ZFHX3: variants seen among roughly 807,000 people sequenced by gnomAD.
ZFHX3 encodes zinc finger homeobox 3.
ZFHX3 carries 42 observed loss-of-function variants against 279.1 expected under a neutral mutation model. The observed-to-expected ratio is 0.15, with a 90% CI of 0.12 to 0.19. ZFHX3 has a LOEUF of 0.19. Among genes scored for constraint, ZFHX3 ranks in the 10% least tolerant of loss-of-function variants. ZFHX3 has a pLI of 1.00. For synonymous variants in ZFHX3, 2,293 were observed against 1,957.8 expected, an observed-to-expected ratio of 1.17 and a Z score of -4.52; for missense variants, 4,981 against 4,754.0, an observed-to-expected ratio of 1.05 and a Z score of -1.40.
intron 1 of ZFHX3, among the ~76,000 whole-genome samples, chr16:73,057,066 G>A (rs998639962): frequency 7.2e-5 from 11 of 152,070 alleles, no homozygotes; most frequent in Non-Finnish European, 1.2e-4. Flanking sequence ...AGAACTGGAG[G>A]CCAGAAAAAG....
rs559052845 is a variant in ZFHX3, at chr16:72,954,780, C to T, written c.2719+2647G>A. 2.0e-5 allele frequency among the ~76,000 whole-genome samples: 3 copies of T among 152,266 alleles called. No homozygotes were observed. In the South Asian group the frequency reaches 6.2e-4, roughly 32 times the overall value. On this transcript the variant is annotated intron_variant, in intron 2 of 9. Transcript: ENST00000268489. Reference sequence around the variant, plus strand: ...ATCCGACTGTACTAGGCGAAGGAGCCCCAAGCCTTTCCTCAAAGGCTTCTG... The same window carrying T: ...ATCCGACTGTACTAGGCGAAGGAGCTCCAAGCCTTTCCTCAAAGGCTTCTG...
intron 2 of ZFHX3, among the ~76,000 whole-genome samples, chr16:73,631,593 T>A (rs538674495): frequency 9.8e-5 from 15 of 152,300 alleles, no homozygotes; most frequent in Admixed American, 2.6e-4. Context: ...TATTTTATAT[T>A]TTTCTGTAAT....
chr16:73,538,558 G>A (rs1838094459), intron 2 of ZFHX3, among the ~76,000 whole-genome samples: 1 of 152,076 alleles, frequency 6.6e-6, no homozygotes, highest in Admixed American at 6.6e-5. Context: ...TCCTACCAAA[G>A]CAAGGATGAG....
intron 1 of ZFHX3, among the ~76,000 whole-genome samples, chr16:73,700,264 GATGTT>G (rs1200509406): frequency 3.3e-5 from 5 of 152,028 alleles, no homozygotes; most frequent in Admixed American, 3.3e-4. Context: ...CTAAAAAGTT[GATGTT>G]ACTGAGAATC....
At chr16:73,224,620 A>G (rs1180778930) in intron 5 of ZFHX3, among the ~76,000 whole-genome samples, 1 of 152,198 alleles carries the variant, frequency 6.6e-6, no homozygotes, top group Non-Finnish European at 1.5e-5. Flanking sequence ...CATTTATAGG[A>G]AAAAGGACTC....
chr16:72,852,150 T>C (rs12599589), intron 4 of ZFHX3, among the ~76,000 whole-genome samples: 4,411 of 151,956 alleles, frequency 0.029, 460 homozygotes, highest in East Asian at 0.19. Context: ...TTTAACTACC[T>C]TCCACAATTC....
chr16:73,556,430 C>T (rs1300528977), intron 2 of ZFHX3, among the ~76,000 whole-genome samples: 1 of 152,194 alleles, frequency 6.6e-6, no homozygotes, highest in East Asian at 1.9e-4. Context: ...TCTCCAATTA[C>T]TTCAAAAGAG....
chr16:73,231,468 G>A (rs2012769758), intron 5 of ZFHX3, among the ~76,000 whole-genome samples: 1 of 152,230 alleles, frequency 6.6e-6, no homozygotes, highest in South Asian at 2.1e-4. Context: ...TCAGCGCATA[G>A]CAGCTGAGAG....
At chr16:73,046,196 C>T (rs1201449062) in intron 1 of ZFHX3, among the ~76,000 whole-genome samples, 2 of 152,168 alleles carry the variant, frequency 1.3e-5, no homozygotes, top group African/African-American at 4.8e-5. Context: ...CAGGTATGTA[C>T]CTCTCTGTGA....
At chr16:73,322,861 G>A (rs1406413768) in intron 3 of ZFHX3, among the ~76,000 whole-genome samples, 2 of 152,198 alleles carry the variant, frequency 1.3e-5, no homozygotes, top group Non-Finnish European at 2.9e-5. Flanking sequence ...AAATGGTCTA[G>A]CTGACGGTCA....
At chr16:73,033,605 T>C (rs1367089875) in intron 1 of ZFHX3, among the ~76,000 whole-genome samples, 3 of 152,202 alleles carry the variant, frequency 2.0e-5, no homozygotes, top group Non-Finnish European at 4.4e-5. Context: ...GCTGCGATGC[T>C]CTGTCCCCAG....
chr16:72,912,174 C>G (rs1048053968), intron 3 of ZFHX3, among the ~76,000 whole-genome samples: 4 of 152,224 alleles, frequency 2.6e-5, no homozygotes, highest in Non-Finnish European at 5.9e-5. Flanking sequence ...AAGGCAGGAG[C>G]TCGACCCTGC....
At chr16:73,538,805 G>A (rs1006937645) in intron 2 of ZFHX3, among the ~76,000 whole-genome samples, 2 of 152,266 alleles carry the variant, frequency 1.3e-5, no homozygotes, top group South Asian at 2.1e-4. Flanking sequence ...TCGGGCAAAC[G>A]ACAATAACAA....
chr16:72,931,855 C>G lies in ZFHX3; in HGVS notation c.3216+18614G>C, dbSNP rs78057868. 4.8e-3 allele frequency among the ~76,000 whole-genome samples: 738 copies of G among 152,322 alleles called. 2 individuals are homozygous for G. The highest frequency in any genetic ancestry group is 0.017 in the African/African-American group (702 of 41,582). On this transcript the variant is annotated intron_variant, in intron 3 of 9. Transcript: ENST00000268489. ...GTGAGCTTTGCAACACCAGCTAACA[C>G]TCACTTGCGTCCAGAAGCTGTTCCC...
At chr16:73,727,231 C>A (rs569634282) in intron 1 of ZFHX3, among the ~76,000 whole-genome samples, 1 of 152,320 alleles carries the variant, frequency 6.6e-6, no homozygotes, top group East Asian at 1.9e-4. Context: ...CAGAGCTGCA[C>A]AACTGGGGCC....
intron 3 of ZFHX3, among the ~76,000 whole-genome samples, chr16:72,929,362 C>T (rs1959664863): frequency 6.6e-6 from 1 of 152,024 alleles, no homozygotes; most frequent in Admixed American, 6.6e-5. Context: ...GGGAGAGGTC[C>T]ACCCGGGGGT....
chr16:72,860,924 A>G (rs1199968087), intron 4 of ZFHX3, among the ~76,000 whole-genome samples: 1 of 152,194 alleles, frequency 6.6e-6, no homozygotes, highest in Non-Finnish European at 1.5e-5. Context: ...TAATGCATTT[A>G]TTTTTTGTGT....
chr16:72,982,125 T>G (rs1962631580), intron 1 of ZFHX3, among the ~76,000 whole-genome samples: 2 of 152,076 alleles, frequency 1.3e-5, no homozygotes, highest in Non-Finnish European at 2.9e-5. Flanking sequence ...TCAGGTGATC[T>G]GCCCGCCTTG....
At chr16:73,210,292 C>A (rs1193244533) in intron 5 of ZFHX3, among the ~76,000 whole-genome samples, 4 of 152,128 alleles carry the variant, frequency 2.6e-5, no homozygotes, top group Non-Finnish European at 5.9e-5. Context: ...CAGCAAAATG[C>A]CTCCCCATAC....
Sources: gnomAD v4.1 joint callset for allele counts (sites outside exome capture counted in the v4.1 genomes callset) on GRCh38, gnomAD v4.1.1 for gene constraint, MANE v1.5 for transcripts, NCBI Gene and HGNC (gene_info 2026-07-23, HGNC 2026-07-21) for gene names.